Variants in KIAA1328 observed in about 807,000 individuals in gnomAD.
KIAA1328 encodes the protein protein hinderin.
KIAA1328 carries 52 observed loss-of-function variants against 68.1 expected under a neutral mutation model. The observed-to-expected ratio is 0.76, with a 90% CI of 0.61 to 0.96. The LOEUF (loss-of-function observed/expected upper bound fraction) is 0.96, where lower values mean the gene tolerates loss of function less well. KIAA1328 is among the 40% of genes least tolerant of loss of function. The probability of loss-of-function intolerance (pLI) is 0.00; values close to 1 mark genes in which losing one functional copy is unlikely to be tolerated. For missense variants in KIAA1328, 641 were observed against 677.6 expected (o/e 0.95, Z 0.60); for synonymous variants, 232 against 239.4 (o/e 0.97, Z 0.28).
At chr18:37,109,604 G>C (rs2057872277) in intron 7 of KIAA1328, among the ~76,000 whole-genome samples, 1 of 152,068 alleles carries the variant, frequency 6.6e-6, no homozygotes. Flanking sequence ...GGGTTAGAAA[G>C]CATTATCTAT....
intron 7 of KIAA1328, among the ~76,000 whole-genome samples, chr18:37,116,926 G>T (rs1437846644): frequency 1.3e-5 from 2 of 152,262 alleles, no homozygotes; most frequent in East Asian, 3.9e-4. Flanking sequence ...ATCATCACTG[G>T]CCATCAGAGA....
downstream of KIAA1328, chr18:37,229,947 C>T (rs984427435): frequency 6.5e-6 from 1 of 154,936 alleles, no homozygotes; most frequent in African/African-American, 2.4e-5. Context: ...CCACTTCTCT[C>T]TCTCTTTGCT....
intron 9 of KIAA1328, among the ~76,000 whole-genome samples, chr18:37,181,324 C>G (rs1031514325): frequency 6.6e-6 from 1 of 151,594 alleles, no homozygotes; most frequent in African/African-American, 2.4e-5. Context: ...CCATGTTTAA[C>G]CAAGAGGGTA....
intron 5 of KIAA1328, among the ~76,000 whole-genome samples, chr18:36,950,368 A>C (rs1044347723): frequency 7.2e-5 from 11 of 152,170 alleles, no homozygotes; most frequent in Non-Finnish European, 2.9e-5. Context: ...GTGAAAATTC[A>C]ATAGGAGCTC....
At chr18:36,975,222 G>T (rs1009815912) in intron 6 of KIAA1328, among the ~76,000 whole-genome samples, 5 of 130,198 alleles carry the variant, frequency 3.8e-5, no homozygotes, top group Non-Finnish European at 7.7e-5. Context: ...TCGCTCTGTC[G>T]CCCAGTCTGG....
In KIAA1328 at chr18:36,959,298, G is replaced by T. The variant is rs2051555427; in HGVS notation, c.449-10G>T. The T allele has an allele frequency of 6.4e-7, 1 of 1,558,230 alleles. No homozygotes were observed. Among genetic ancestry groups the T allele is most frequent in the African/African-American group, 1.4e-5 (1 of 72,236 alleles). ...TTTTTCAGTTTTTTTCCCTTAATTTGCAATCTCACCTCTTCAGCTACAGTA... is the reference window on the plus strand; with the variant it reads ...TTTTTCAGTTTTTTTCCCTTAATTTTCAATCTCACCTCTTCAGCTACAGTA... On this transcript the variant is annotated splice_polypyrimidine_tract_variant and intron_variant, in intron 5 of 9. Transcript: ENST00000280020.
At chr18:36,919,858 CTT>C (rs2049849362) in intron 5 of KIAA1328, among the ~76,000 whole-genome samples, 2 of 152,152 alleles carry the variant, frequency 1.3e-5, no homozygotes, top group Non-Finnish European at 2.9e-5. Context: ...TTGGCTGCAT[CTT>C]TGTTTTCCTT....
intron 5 of KIAA1328, among the ~76,000 whole-genome samples, chr18:36,941,956 C>G (rs2050729688): frequency 6.6e-6 from 1 of 152,068 alleles, no homozygotes; most frequent in African/African-American, 2.4e-5. Context: ...AATGATAGAA[C>G]AGTTGTACAT....
chr18:36,837,145 T>C (rs2046704267), intron 3 of KIAA1328, among the ~76,000 whole-genome samples: 1 of 152,180 alleles, frequency 6.6e-6, no homozygotes, highest in African/African-American at 2.4e-5. Context: ...CGTGTAGTTT[T>C]ATGTTTAACC....
chr18:36,971,546 T>C (rs540580817), intron 6 of KIAA1328, among the ~76,000 whole-genome samples: 1 of 152,194 alleles, frequency 6.6e-6, no homozygotes, highest in East Asian at 1.9e-4. Flanking sequence ...GGAGAATCGC[T>C]TGAACCCAGG....
chr18:37,108,721 T>G (rs1404416097), intron 7 of KIAA1328, among the ~76,000 whole-genome samples: 1 of 152,186 alleles, frequency 6.6e-6, no homozygotes, highest in African/African-American at 2.4e-5. Context: ...CATTCCATAC[T>G]AGGACACCTC....
rs115993757 is a variant in KIAA1328 at position 37,222,579 on chromosome 18, C to T, written c.*352C>T. 144 of 1,077,552 alleles carry T rather than the reference C, an allele frequency of 1.3e-4. No homozygotes were observed. The African/African-American group carries it at 2.3e-3, about 17-fold the overall frequency. The allele number at this position is 1,077,552 out of a possible 1,614,324, so 66.7% of individuals were successfully genotyped here. On this transcript the variant is annotated 3_prime_UTR_variant, in exon 10 of 10. Transcript: ENST00000280020. The stretch of plus-strand genomic sequence containing the variant: ...ACTTCTGCTAGAAAATGCTGACTCA[C>T]TTTTATATACAAGAAAAACCTTTCC...
intron 6 of KIAA1328, among the ~76,000 whole-genome samples, chr18:37,008,827 T>C (rs1020918257): frequency 6.6e-6 from 1 of 151,824 alleles, no homozygotes; most frequent in African/African-American, 2.4e-5. Flanking sequence ...AATTTGAAGA[T>C]AGGTCAATAG....
At chr18:37,201,961 A>C (rs956459927) in intron 9 of KIAA1328, among the ~76,000 whole-genome samples, 1 of 152,236 alleles carries the variant, frequency 6.6e-6, no homozygotes, top group Non-Finnish European at 1.5e-5. Flanking sequence ...ACATTTAAAA[A>C]TATGATATTC....
intron 7 of KIAA1328, among the ~76,000 whole-genome samples, chr18:37,126,891 TA>T (rs559683829): frequency 3.3e-5 from 5 of 151,968 alleles, no homozygotes; most frequent in African/African-American, 7.3e-5. Flanking sequence ...CCATTCATGA[TA>T]AAAAAAATCT....
At chr18:36,884,170 A>G (rs941358438) in intron 4 of KIAA1328, among the ~76,000 whole-genome samples, 1 of 151,932 alleles carries the variant, frequency 6.6e-6, no homozygotes, top group African/African-American at 2.4e-5. Flanking sequence ...AGGAAAAGGG[A>G]AGGCATTGTA....
At position 36,834,345 on chromosome 18, in the gene KIAA1328, A is replaced by G; in HGVS notation, c.84A>G (p.Val28=). The G allele has an allele frequency of 6.3e-7, 1 of 1,583,062 alleles. No individual in the cohort carries two copies. The highest frequency in any genetic ancestry group is 8.6e-7 in the Non-Finnish European group (1 of 1,166,788). The change falls in exon 2 of 10, where the codon GTA becomes GTG. Residue 28 remains valine, a synonymous_variant. Coordinates refer to ENST00000280020, the MANE Select transcript of KIAA1328 (RefSeq NM_020776.3). ...TTTCTGATGAAGAACAATCAGTAGTATACGTTCCAGGTATGATTTTCTATG... is the reference window on the plus strand; with the variant it reads ...TTTCTGATGAAGAACAATCAGTAGTGTACGTTCCAGGTATGATTTTCTATG... ...RDFSDEEQSV[V]YVPGISAEGN...
chr18:37,090,778 G>C (rs72892525), intron 7 of KIAA1328, among the ~76,000 whole-genome samples: 20,832 of 152,076 alleles, frequency 0.14, 1,763 homozygotes, highest in Admixed American at 0.18. Flanking sequence ...TTAAATTTAG[G>C]TCATACATGC....
At chr18:37,146,123 T>G (rs1235531443) in intron 7 of KIAA1328, among the ~76,000 whole-genome samples, 1 of 152,134 alleles carries the variant, frequency 6.6e-6, no homozygotes, top group Non-Finnish European at 1.5e-5. Context: ...CAGGGATACA[T>G]GTGCAGGTTT....
Sources: allele counts gnomAD v4.1 joint callset (sites outside exome capture counted in the v4.1 genomes callset), GRCh38; gene constraint gnomAD v4.1.1; transcripts MANE v1.5; gene names NCBI Gene and HGNC (gene_info 2026-07-23, HGNC 2026-07-21).